The following TRPV1 variants were observed in gnomAD, a reference collection of about 807,000 sequenced individuals.
The protein encoded by TRPV1 is OTRPC1.
Under a neutral mutation model 82.3 loss-of-function variants are expected in TRPV1, and 82 were observed. The observed-to-expected ratio is 1.00, with a 90% CI of 0.83 to 1.20. The LOEUF is 1.20. Ranked by LOEUF, TRPV1 falls within the 50% of genes most tolerant of loss-of-function variation. The pLI, the probability that TRPV1 is intolerant of heterozygous loss-of-function variation, is 0.00. For synonymous variants in TRPV1, 515 were observed against 467.7 expected, an observed-to-expected ratio of 1.10 and a Z score of -1.30; for missense variants, 1,067 against 1,096.8, an observed-to-expected ratio of 0.97 and a Z score of 0.38.
chr17:3,571,434 C>T (rs1175934064), intron 16 of TRPV1, 90 bp downstream of exon 16: 12 of 1,062,076 alleles, frequency 1.1e-5, no homozygotes, highest in African/African-American at 3.1e-5. Flanking sequence ...ATGAGGAACC[C>T]GGCAAGGCGT....
intron 2 of TRPV1, among the ~76,000 whole-genome samples, chr17:3,597,593 C>A (rs1229261103): frequency 6.6e-6 from 1 of 151,704 alleles, no homozygotes; most frequent in Non-Finnish European, 1.5e-5. Flanking sequence ...TCTTCTGGGT[C>A]AGCCAGGTCC....
At chr17:3,588,972 C>T in intron 7 of TRPV1, 1 of 1,535,242 alleles carries the variant, frequency 6.5e-7, no homozygotes, top group African/African-American at 1.4e-5. Context: ...AACCTCAAGC[C>T]AGAAAGAAAG....
At chr17:3,594,144 AAAAAAAAAGAAGCAGC>A (rs1397244503) in intron 2 of TRPV1, among the ~76,000 whole-genome samples, 1 of 123,512 alleles carries the variant, frequency 8.1e-6, no homozygotes, top group African/African-American at 5.4e-5. Context: ...AAAAAAAAAA[AAAAAAAAAGAAGCAGC>A]AGCAGCAGCA....
At chr17:3,573,497 G>T in intron 14 of TRPV1, 136 bp downstream of exon 14, 2 of 928,566 alleles carry the variant, frequency 2.2e-6, no homozygotes, top group Non-Finnish European at 3.2e-6. Flanking sequence ...GTAAGGCAGC[G>T]GATAGAGAGG....
intron 6 of TRPV1, 21 bp from the exon 7 acceptor site, chr17:3,590,126 G>C: frequency 6.3e-7 from 1 of 1,594,628 alleles, no homozygotes. Flanking sequence ...ACAGGGCCCA[G>C]GTGGGCCTCA....
At chr17:3,584,925 C>A (rs972969677) in intron 9 of TRPV1, among the ~76,000 whole-genome samples, 4 of 152,140 alleles carry the variant, frequency 2.6e-5, no homozygotes, top group Non-Finnish European at 5.9e-5. Context: ...TGGCTCTTGG[C>A]AGAGGAAAAA....
chr17:3,608,390 G>A (rs1466596824), intron 2 of TRPV1, 37 bp downstream of exon 2: 1 of 151,928 alleles, frequency 6.6e-6, no homozygotes, highest in Non-Finnish European at 1.5e-5. Flanking sequence ...CACTACTCTG[G>A]TGCTTTGGGG....
At chr17:3,573,595 TC>T (rs2074889212) in intron 14 of TRPV1, 37 bp downstream of exon 14, 1 of 1,228,594 alleles carries the variant, frequency 8.1e-7, no homozygotes, top group Admixed American at 2.6e-5. Context: ...GCCCACACTC[TC>T]CGCGCCACTC....
At chr17:3,573,571 C>G in intron 14 of TRPV1, 62 bp downstream of exon 14, 2 of 572,892 alleles carry the variant, frequency 3.5e-6, no homozygotes, top group Non-Finnish European at 4.9e-6. Flanking sequence ...CTGTGTAAGA[C>G]AGCAGACAGA....
intron 2 of TRPV1, among the ~76,000 whole-genome samples, chr17:3,602,837 C>T (rs943875357): frequency 6.6e-6 from 1 of 152,132 alleles, no homozygotes; most frequent in Non-Finnish European, 1.5e-5. Context: ...AGATTCGAGC[C>T]CCAGCCGGCC....
At chr17:3,571,391 C>G (rs2074850726) in intron 16 of TRPV1, 133 bp downstream of exon 16, 1 of 663,744 alleles carries the variant, frequency 1.5e-6, no homozygotes, top group Non-Finnish European at 2.6e-6. Context: ...TGGCCGACGT[C>G]AGGAGCTGCC....
intron 8 of TRPV1, 138 bp downstream of exon 8, chr17:3,588,050 C>G (rs760129022): frequency 1.2e-5 from 11 of 947,838 alleles, no homozygotes; most frequent in Non-Finnish European, 1.7e-5. Context: ...GAGTGGGGAA[C>G]GTGAGGCTGC....
intron 2 of TRPV1, among the ~76,000 whole-genome samples, chr17:3,594,710 T>C (rs1162201936): frequency 6.6e-6 from 1 of 152,172 alleles, no homozygotes; most frequent in African/African-American, 2.4e-5. Context: ...GTCCTCCTCC[T>C]CAGAGTCCAG....
chr17:3,581,211 G>A (rs1025997688), intron 10 of TRPV1, among the ~76,000 whole-genome samples: 5 of 151,972 alleles, frequency 3.3e-5, no homozygotes, highest in African/African-American at 1.2e-4. Flanking sequence ...TCAAACTCCT[G>A]GCCTCAGCCT....
At chr17:3,581,122 A>C (rs2075003851) in intron 10 of TRPV1, among the ~76,000 whole-genome samples, 1 of 151,378 alleles carries the variant, frequency 6.6e-6, no homozygotes, top group Admixed American at 6.6e-5. Flanking sequence ...GAATTGGGCA[A>C]ATTGTTTTCT....
chr17:3,571,687 C>G, intron 15 of TRPV1, 48 bp from the exon 16 acceptor site: 2 of 1,473,698 alleles, frequency 1.4e-6, no homozygotes, highest in Non-Finnish European at 1.9e-6. Flanking sequence ...CCCAGCTTCC[C>G]GGGCCAAGGG....
chr17:3,603,580 G>C (rs540316423), intron 2 of TRPV1, among the ~76,000 whole-genome samples: 1 of 152,302 alleles, frequency 6.6e-6, no homozygotes, highest in East Asian at 1.9e-4. Context: ...AGTCAGGATA[G>C]TGGGTGTGAA....
intron 14 of TRPV1, among the ~76,000 whole-genome samples, chr17:3,572,502 C>T (rs867595098): frequency 1.3e-5 from 2 of 152,104 alleles, no homozygotes; most frequent in East Asian, 3.9e-4. Context: ...AGGGCAGCCC[C>T]GGGAGTGATA....
chr17:3,577,284 G>A (rs2074946353), intron 12 of TRPV1, 92 bp from the exon 13 acceptor site: 1 of 1,384,030 alleles, frequency 7.2e-7, no homozygotes, highest in African/African-American at 1.4e-5. Context: ...GATGCGTCTT[G>A]AGAACGTGCA....
Sources: allele counts gnomAD v4.1 joint callset (sites outside exome capture counted in the v4.1 genomes callset), GRCh38; gene constraint gnomAD v4.1.1; transcripts MANE v1.5; gene names NCBI Gene and HGNC (gene_info 2026-07-23, HGNC 2026-07-21).